The following TM9SF4 variants were observed in gnomAD, a reference collection of about 807,000 sequenced individuals.
TM9SF4 encodes dinucleotide oxidase disulfide thiol exchanger 3 superfamily member 4.
In TM9SF4, 26 loss-of-function variants were observed where a neutral mutation model predicts 90.4. That is an observed-to-expected ratio of 0.29 (90% CI 0.21 to 0.40). The LOEUF (loss-of-function observed/expected upper bound fraction) is 0.40. Among genes scored for constraint, TM9SF4 ranks in the 10% least tolerant of loss-of-function variants. The pLI is 1.00. For synonymous variants in TM9SF4, 293 were observed against 315.4 expected (o/e 0.93, Z 0.75); for missense variants, 549 against 834.8 (o/e 0.66, Z 4.22).
intron 1 of TM9SF4, among the ~76,000 whole-genome samples, chr20:32,130,050 A>G (rs2122364942): frequency 6.6e-6 from 1 of 152,316 alleles, no homozygotes; most frequent in Middle Eastern, 3.4e-3. Flanking sequence ...ATAAACCCGC[A>G]GTAGTGTTCC....
rs371611586 is a variant in TM9SF4, at chr20:32,165,479, C to T, written c.*35C>T. 29 of 1,608,294 alleles carry T rather than the reference C, an allele frequency of 1.8e-5. No individual in the cohort carries two copies. Among genetic ancestry groups the T allele is most frequent in the South Asian group, 9.9e-5 (9 of 90,986 alleles). On this transcript the variant is annotated 3_prime_UTR_variant, in exon 18 of 18. Coordinates refer to ENST00000398022, the MANE Select transcript of TM9SF4 (RefSeq NM_014742.4). ...ACCACGGCCAAGCTTGCTCCGTCCT[C>T]GGACAGGAAGCCACCCTGCGTGGGG... is the stretch of plus-strand genomic sequence containing the variant.
At chr20:32,162,177 C>T (rs1388995670) in intron 17 of TM9SF4, among the ~76,000 whole-genome samples, 1 of 152,252 alleles carries the variant, frequency 6.6e-6, no homozygotes, top group Non-Finnish European at 1.5e-5. Context: ...CTCTGACCTG[C>T]TGTACTTTGG....
At chr20:32,129,838 T>C (rs2046484960) in intron 1 of TM9SF4, among the ~76,000 whole-genome samples, 1 of 152,094 alleles carries the variant, frequency 6.6e-6, no homozygotes, top group Admixed American at 6.6e-5. Context: ...GCCCCCAACT[T>C]GGCCTCCCAA....
chr20:32,115,807 CTTTTTTTTTTT>C (rs386393622), intron 1 of TM9SF4, among the ~76,000 whole-genome samples: 1 of 95,170 alleles, frequency 1.1e-5, no homozygotes, highest in African/African-American at 4.8e-5. Context: ...CCACTTTAAG[CTTTTTTTTTTT>C]TTTTTTTTTT....
chr20:32,116,698 T>C (rs188812856), intron 1 of TM9SF4: 150 of 152,322 alleles, frequency 9.8e-4, no homozygotes, highest in African/African-American at 3.5e-3. Context: ...TTTAGTTCCA[T>C]GGGCCTGCTT....
intron 15 of TM9SF4, among the ~76,000 whole-genome samples, chr20:32,158,838 C>T (rs183477634): frequency 4.6e-5 from 7 of 152,090 alleles, no homozygotes; most frequent in East Asian, 1.9e-4. Flanking sequence ...AAAAATTAGC[C>T]GGGCATGGTG....
chr20:32,155,051 G>C, intron 12 of TM9SF4, 52 bp from the exon 13 acceptor site: 1 of 1,502,624 alleles, frequency 6.7e-7, no homozygotes, highest in Non-Finnish European at 9.3e-7. Flanking sequence ...CACCGGGACA[G>C]GTAGGGGAGG....
At chr20:32,156,801 C>CT in intron 13 of TM9SF4, among the ~76,000 whole-genome samples, 1 of 152,190 alleles carries the variant, frequency 6.6e-6, no homozygotes, top group Admixed American at 6.5e-5. Context: ...GAGATACAGT[C>CT]TCACTGTGTT....
chr20:32,144,484 C>T (rs779925730), intron 6 of TM9SF4, among the ~76,000 whole-genome samples: 12 of 152,182 alleles, frequency 7.9e-5, no homozygotes, highest in Non-Finnish European at 1.5e-4. Context: ...GGTAGGTGAA[C>T]GTTTGAATTG....
In TM9SF4 at chr20:32,157,814, G is replaced by T; in HGVS notation, c.1350G>T (p.Val450=). 6.2e-7 allele frequency: 1 copy of T among 1,614,196 alleles called. No homozygotes were observed. Among genetic ancestry groups the T allele is most frequent in the Admixed American group, 1.7e-5 (1 of 60,020 alleles). ...SSGAVPFPTM[V]ALLCMWFGIS... ...TACAGGTGCCCTTTCCCACCATGGTGGCTCTGCTGTGCATGTGGTTCGGGA... is the reference window on the plus strand; with the variant it reads ...TACAGGTGCCCTTTCCCACCATGGTTGCTCTGCTGTGCATGTGGTTCGGGA... The change falls in exon 14 of 18, where the codon GTG becomes GTT. Residue 450 remains valine, a synonymous_variant. Coordinates refer to ENST00000398022, the MANE Select transcript of TM9SF4 (RefSeq NM_014742.4).
rs1457840191 is a variant in TM9SF4 at position 32,165,870 on chromosome 20, C to G, written c.*426C>G. 5.6e-6 allele frequency: 1 copy of G among 178,080 alleles called. No individual in the cohort carries two copies. The highest frequency in any genetic ancestry group is 2.4e-5 in the African/African-American group (1 of 42,252). The allele number at this position is 178,080 out of a possible 1,614,324, so 11.0% of individuals were successfully genotyped here. A position where few individuals can be genotyped will look rare whatever the true frequency, so the allele number is the denominator to read the frequency against. ...GGGCTGTTGGCCACCCTATGACTAA[C>G]TGGAAGAGGACACGCCAGAGCTTCA... On this transcript the variant is annotated 3_prime_UTR_variant, in exon 18 of 18. Transcript: ENST00000398022.
intron 13 of TM9SF4, among the ~76,000 whole-genome samples, chr20:32,157,512 T>C (rs1413253836): frequency 6.6e-6 from 1 of 152,248 alleles, no homozygotes; most frequent in African/African-American, 2.4e-5. Flanking sequence ...TCTTCATCTC[T>C]TCACGTTCTC....
chr20:32,123,868 T>A (rs374048786), intron 1 of TM9SF4, among the ~76,000 whole-genome samples: 5,376 of 42,980 alleles, frequency 0.13, 186 homozygotes, highest in Admixed American at 0.17. Context: ...ATATATATAT[T>A]TTTTTTTTTA....
intron 3 of TM9SF4, among the ~76,000 whole-genome samples, chr20:32,141,073 C>T (rs1436165046): frequency 6.6e-5 from 10 of 151,688 alleles, no homozygotes; most frequent in African/African-American, 1.7e-4. Flanking sequence ...AAAAATTAGC[C>T]GGGCGTGGTG....
chr20:32,137,959 C>T (rs1173227676), intron 3 of TM9SF4, among the ~76,000 whole-genome samples: 1 of 152,144 alleles, frequency 6.6e-6, no homozygotes, highest in African/African-American at 2.4e-5. Flanking sequence ...GAATCCATGC[C>T]CAAGCACCAC....
At chr20:32,139,502 T>C (rs2046640591) in intron 3 of TM9SF4, among the ~76,000 whole-genome samples, 2 of 152,186 alleles carry the variant, frequency 1.3e-5, no homozygotes, top group African/African-American at 4.8e-5. Flanking sequence ...CACCAGCACC[T>C]GTTCCAGTCA....
In TM9SF4 at chr20:32,165,342, G is replaced by A. The variant is rs758495462; in HGVS notation, c.1827G>A (p.Thr609=). 1.1e-5 allele frequency: 17 copies of A among 1,614,022 alleles called. No homozygotes were observed. The highest frequency in any genetic ancestry group is 1.7e-5 in the Admixed American group (1 of 60,000). The change falls in exon 18 of 18, where the codon ACG becomes ACA. Residue 609 remains threonine (T), a synonymous_variant. Coordinates refer to ENST00000398022, the MANE Select transcript of TM9SF4 (RefSeq NM_014742.4). ...FIPSLLYFGY[T]ALMVLSFWLL... is the part of the protein sequence containing the mutation. ...CCTCTCTCCTCTACTTTGGCTACAC[G>A]GCCCTCATGGTCTTGTCCTTCTGGC...
At chr20:32,158,018 G>T (rs1218389631) in intron 14 of TM9SF4, 49 bp downstream of exon 14, 3 of 1,600,402 alleles carry the variant, frequency 1.9e-6, no homozygotes, top group Admixed American at 1.7e-5. Context: ...AAGAGGGTAC[G>T]CCCCCCTCCG....
At position 32,141,504 on chromosome 20, in the gene TM9SF4, G is replaced by A. The variant is rs2046678119; in HGVS notation, c.237G>A (p.Val79=). The change falls in exon 4 of 18, where the codon GTG becomes GTA. Residue 79 remains valine, a synonymous_variant. Transcript: ENST00000398022. The stretch of plus-strand genomic sequence containing the variant: ...CTGTCTCTCTTACGGCAGGAGAGGT[G>A]CTGAGAGGGGACCGGATTGTCAACA... ...ITYKAENLGE[V]LRGDRIVNTP... 6.2e-7 allele frequency: 1 copy of A among 1,613,900 alleles called. No homozygotes were observed. Among genetic ancestry groups the A allele is most frequent in the South Asian group, 1.1e-5 (1 of 91,078 alleles).
Sources: gnomAD v4.1 joint callset for allele counts (sites outside exome capture counted in the v4.1 genomes callset) on GRCh38, gnomAD v4.1.1 for gene constraint, MANE v1.5 for transcripts, NCBI Gene and HGNC (gene_info 2026-07-23, HGNC 2026-07-21) for gene names.